The following ANKS1B variants were observed in gnomAD, a reference collection of about 807,000 sequenced individuals.
ANKS1B encodes the protein ankyrin repeat and sterile alpha motif domain-containing protein 1B.
A neutral mutation model predicts 148.3 loss-of-function variants in ANKS1B; 36 were observed. The observed-to-expected ratio is 0.24, with a 90% CI of 0.19 to 0.32. ANKS1B has a LOEUF of 0.32. ANKS1B is among the 10% of genes least tolerant of loss of function. The pLI is 1.00. For synonymous variants in ANKS1B, 542 were observed against 560.8 expected, an observed-to-expected ratio of 0.97 and a Z score of 0.47; for missense variants, 1,157 against 1,542.6, an observed-to-expected ratio of 0.75 and a Z score of 4.19.
chr12:99,403,152 C>CTTT lies in ANKS1B; in HGVS notation c.1576-3344_1576-3342dup, dbSNP rs143800860. On this transcript the variant is annotated intron_variant, in intron 11 of 26. Coordinates refer to ENST00000683438, the MANE Select transcript of ANKS1B (RefSeq NM_001352186.2). ...CAGCAGTGTCTGTTCACTTTTCTTT[C>CTTT]TTTTTTTTTTTTTTTTTTTTTTTTT... Among the ~76,000 whole-genome samples the CTTT allele has an allele frequency of 2.9e-4, 21 of 73,162 alleles. 1 individual carries two copies. Among genetic ancestry groups the CTTT allele is most frequent in the East Asian group, 1.7e-3 (4 of 2,302 alleles). 48.0% of individuals were successfully genotyped at this position (73,162 alleles called of 152,430 possible). A position where few individuals can be genotyped will look rare whatever the true frequency, so the allele number is the denominator to read the frequency against.
At chr12:99,066,424 T>G (rs2044353608) in intron 16 of ANKS1B, among the ~76,000 whole-genome samples, 1 of 151,830 alleles carries the variant, frequency 6.6e-6, no homozygotes, top group South Asian at 2.1e-4. Context: ...GGAAGGAGGG[T>G]CCAGCATATG....
chr12:98,804,704 G>A (rs998619581), intron 20 of ANKS1B, among the ~76,000 whole-genome samples: 8 of 152,062 alleles, frequency 5.3e-5, no homozygotes, highest in East Asian at 1.9e-4. Flanking sequence ...GAGGAATTAC[G>A]TAGAGTAGTT....
chr12:99,241,935 CAA>C (rs1443103262), intron 14 of ANKS1B, among the ~76,000 whole-genome samples: 1 of 152,140 alleles, frequency 6.6e-6, no homozygotes, highest in Non-Finnish European at 1.5e-5. Flanking sequence ...AACCCACAGC[CAA>C]TATCATACTG....
At chr12:99,469,325 G>T (rs570814840) in intron 10 of ANKS1B, among the ~76,000 whole-genome samples, 34 of 150,990 alleles carry the variant, frequency 2.3e-4, no homozygotes, top group African/African-American at 8.0e-4. Flanking sequence ...AGCATTGGGA[G>T]ATATACCTAA....
intron 6 of ANKS1B, among the ~76,000 whole-genome samples, chr12:99,776,251 A>C (rs1243965926): frequency 6.6e-6 from 1 of 152,164 alleles, no homozygotes; most frequent in Non-Finnish European, 1.5e-5. Flanking sequence ...TCATTTTTCT[A>C]GTTTTGATAC....
intron 15 of ANKS1B, among the ~76,000 whole-genome samples, chr12:99,098,906 A>AG (rs1555243504): frequency 6.6e-6 from 1 of 150,912 alleles, no homozygotes; most frequent in East Asian, 2.0e-4. Flanking sequence ...GTTCTTCCTA[A>AG]TTTTTTTCTT....
intron 8 of ANKS1B, among the ~76,000 whole-genome samples, chr12:99,661,151 T>G (rs374733891): frequency 1.2e-3 from 185 of 152,202 alleles, no homozygotes; most frequent in African/African-American, 4.3e-3. Flanking sequence ...CAAACAAGTT[T>G]TATTGAGGTC....
intron 17 of ANKS1B, among the ~76,000 whole-genome samples, chr12:98,900,961 G>T (rs1328959414): frequency 6.6e-6 from 1 of 152,146 alleles, no homozygotes; most frequent in Non-Finnish European, 1.5e-5. Flanking sequence ...CCCTTGCTCT[G>T]CACTGGCCTA....
intron 9 of ANKS1B, among the ~76,000 whole-genome samples, chr12:99,545,842 A>T (rs1293384039): frequency 6.6e-6 from 1 of 150,914 alleles, no homozygotes; most frequent in Non-Finnish European, 1.5e-5. Flanking sequence ...CTTTTTCCTC[A>T]ATGACATTGA....
rs773100677 is a variant in ANKS1B at position 99,911,080 on chromosome 12, A to G, written c.134+73024T>C. ...ACAACAAGAACTACAGTTTTTCTCAATTTATGAGAAAACTGAGATTTAGGG... is the reference window on the plus strand; with the variant it reads ...ACAACAAGAACTACAGTTTTTCTCAGTTTATGAGAAAACTGAGATTTAGGG... On this transcript the variant is annotated intron_variant, in intron 1 of 26. Coordinates refer to ENST00000683438, the MANE Select transcript of ANKS1B (RefSeq NM_001352186.2). 7.2e-5 allele frequency among the ~76,000 whole-genome samples: 11 copies of G among 152,134 alleles called. 1 individual carries two copies. Among genetic ancestry groups the G allele is most frequent in the Non-Finnish European group, 1.5e-4 (10 of 68,024 alleles).
intron 1 of ANKS1B, among the ~76,000 whole-genome samples, chr12:99,975,903 T>C (rs929576880): frequency 2.0e-5 from 3 of 152,224 alleles, no homozygotes; most frequent in Non-Finnish European, 4.4e-5. Context: ...TGCATTCATG[T>C]TCATTGCTGT....
At chr12:99,543,852 A>G (rs1393527102) in intron 9 of ANKS1B, among the ~76,000 whole-genome samples, 2 of 152,174 alleles carry the variant, frequency 1.3e-5, no homozygotes, top group Non-Finnish European at 2.9e-5. Context: ...AAGGAAGGCC[A>G]ATATGGGACA....
Position 98,773,102 on chromosome 12 carries a change from A to G in ANKS1B, c.3519T>C (p.Tyr1173=). 1 of 1,613,988 alleles carries G rather than the reference A, an allele frequency of 6.2e-7. No individual in the cohort carries two copies. The highest frequency in any genetic ancestry group is 8.5e-7 in the Non-Finnish European group (1 of 1,179,868). ...QDPEDLSTFA[Y]ITKDLKSNHH... ...GATTAGACTTCAAATCTTTTGTGAT[A>G]TAGGCAAATGTTGAGAGGTCTTCTG... The change falls in exon 25 of 27, where the codon TAT becomes TAC. Residue 1173 remains tyrosine, a synonymous_variant. Coordinates refer to ENST00000683438, the MANE Select transcript of ANKS1B (RefSeq NM_001352186.2).
In ANKS1B at chr12:99,929,580, T is replaced by C. The variant is rs543497584; in HGVS notation, c.134+54524A>G. Among the ~76,000 whole-genome samples the C allele has an allele frequency of 3.9e-5, 6 of 152,334 alleles. No individual in the cohort carries two copies. The South Asian group carries it at 1.0e-3, about 26-fold the overall frequency. On this transcript the variant is annotated intron_variant, in intron 1 of 26. Transcript: ENST00000683438. ...GACATGAAGTCCTTGCCCATGCCTA[T>C]GTTCTGAATGGTATTGCCTAGGTTT...
At chr12:99,063,111 T>C (rs2042989128) in intron 16 of ANKS1B, among the ~76,000 whole-genome samples, 1 of 152,168 alleles carries the variant, frequency 6.6e-6, no homozygotes, top group African/African-American at 2.4e-5. Flanking sequence ...CCAGTGCCGA[T>C]ATCCCTGATG....
At chr12:99,615,299 T>C (rs1467657717) in intron 9 of ANKS1B, among the ~76,000 whole-genome samples, 1 of 152,180 alleles carries the variant, frequency 6.6e-6, no homozygotes, top group African/African-American at 2.4e-5. Flanking sequence ...TCCTTTCTTA[T>C]ATTTCTCCTC....
At chr12:99,432,449 T>C (rs2095391387) in intron 11 of ANKS1B, among the ~76,000 whole-genome samples, 1 of 152,098 alleles carries the variant, frequency 6.6e-6, no homozygotes, top group Non-Finnish European at 1.5e-5. Context: ...TTGAGCACTT[T>C]ATAAAACAAG....
intron 17 of ANKS1B, among the ~76,000 whole-genome samples, chr12:99,003,196 C>G (rs2099934055): frequency 6.6e-6 from 1 of 152,144 alleles, no homozygotes; most frequent in Non-Finnish European, 1.5e-5. Flanking sequence ...GGTCTATAGT[C>G]TGTCTTTATG....
At chr12:99,239,875 T>A (rs2088896331) in intron 14 of ANKS1B, among the ~76,000 whole-genome samples, 1 of 152,120 alleles carries the variant, frequency 6.6e-6, no homozygotes, top group Non-Finnish European at 1.5e-5. Flanking sequence ...GCTGAGAGAT[T>A]TTGTCACCAC....
Sources: gnomAD v4.1 joint callset for allele counts (sites outside exome capture counted in the v4.1 genomes callset) on GRCh38, gnomAD v4.1.1 for gene constraint, MANE v1.5 for transcripts, NCBI Gene and HGNC (gene_info 2026-07-23, HGNC 2026-07-21) for gene names.